DAB1: variants seen among roughly 807,000 people sequenced by gnomAD.
DAB1 encodes the protein DAB adaptor protein 1.
A neutral mutation model predicts 64.6 loss-of-function variants in DAB1; 15 were observed. That is an observed-to-expected ratio of 0.23 (90% CI 0.16 to 0.36). The LOEUF (loss-of-function observed/expected upper bound fraction) is 0.36. Ranked by LOEUF, DAB1 falls within the 10% of genes least tolerant of loss-of-function variation. The pLI, the probability that DAB1 is intolerant of heterozygous loss-of-function variation, is 1.00. For missense variants in DAB1, 596 were observed against 706.7 expected (o/e 0.84, Z 1.78); for synonymous variants, 235 against 251.9 (o/e 0.93, Z 0.64).
intron 4 of DAB1, among the ~76,000 whole-genome samples, chr1:57,075,263 GT>G (rs1651883622): frequency 6.6e-6 from 1 of 152,190 alleles, no homozygotes; most frequent in Non-Finnish European, 1.5e-5. Flanking sequence ...AGATGGAGAT[GT>G]TTTAATTTAT....
chr1:57,159,392 T>C (rs1209025264), intron 2 of DAB1, among the ~76,000 whole-genome samples: 2 of 152,140 alleles, frequency 1.3e-5, no homozygotes, highest in African/African-American at 4.8e-5. Flanking sequence ...CCAAATCAGT[T>C]AAGGGCATGC....
intron 4 of DAB1, among the ~76,000 whole-genome samples, chr1:58,282,426 T>C (rs1661583264): frequency 6.6e-6 from 1 of 152,212 alleles, no homozygotes; most frequent in African/African-American, 2.4e-5. Flanking sequence ...TCATTTCCTT[T>C]CCCTATGCCC....
At chr1:57,509,844 G>A (rs1312495530) in intron 7 of DAB1, among the ~76,000 whole-genome samples, 1 of 152,040 alleles carries the variant, frequency 6.6e-6, no homozygotes, top group Non-Finnish European at 1.5e-5. Flanking sequence ...TGTCGTTATA[G>A]TTCCCATTTA....
intron 5 of DAB1, among the ~76,000 whole-genome samples, chr1:58,086,611 T>C (rs1650330409): frequency 6.6e-6 from 1 of 151,838 alleles, no homozygotes; most frequent in South Asian, 2.1e-4. Context: ...AACCCACCTC[T>C]CCAGTCCTCC....
At chr1:58,523,613 G>C (rs548399182) in intron 2 of DAB1, among the ~76,000 whole-genome samples, 1 of 152,118 alleles carries the variant, frequency 6.6e-6, no homozygotes, top group Non-Finnish European at 1.5e-5. Context: ...AGAACTGGCA[G>C]TCCTGGCCGG....
At chr1:57,391,407 C>T (rs564951) in intron 1 of DAB1, among the ~76,000 whole-genome samples, 62,415 of 151,930 alleles carry the variant, frequency 0.41, 13,390 homozygotes, top group African/African-American at 0.47. Flanking sequence ...AAACATAAAA[C>T]AACTAAGAGA....
At chr1:57,649,743 A>G (rs1161338606) in intron 6 of DAB1, 1 of 152,210 alleles carries the variant, frequency 6.6e-6, no homozygotes, top group Non-Finnish European at 1.5e-5. Flanking sequence ...CTCTCTCAGT[A>G]AAGAAACATT....
At chr1:57,563,120 C>G (rs1038520308) in intron 7 of DAB1, among the ~76,000 whole-genome samples, 1 of 152,214 alleles carries the variant, frequency 6.6e-6, no homozygotes, top group East Asian at 1.9e-4. Context: ...AACACCTTGA[C>G]CTGCTGAGGT....
At chr1:58,137,332 C>T (rs1654002947) in intron 5 of DAB1, among the ~76,000 whole-genome samples, 1 of 152,308 alleles carries the variant, frequency 6.6e-6, no homozygotes, top group African/African-American at 2.4e-5. Flanking sequence ...GGCCTGGAAC[C>T]TGTGTCCCCT....
intron 7 of DAB1, among the ~76,000 whole-genome samples, chr1:57,579,362 G>A (rs1168954136): frequency 6.6e-6 from 1 of 152,108 alleles, no homozygotes; most frequent in South Asian, 2.1e-4. Context: ...TCACTTGCTG[G>A]CCTTCAGACC....
intron 9 of DAB1, among the ~76,000 whole-genome samples, chr1:57,032,761 A>G (rs1647003807): frequency 1.3e-5 from 2 of 152,206 alleles, no homozygotes; most frequent in Admixed American, 6.5e-5. Context: ...TTTTTGTCCT[A>G]GAGGTTTCCC....
chr1:57,536,849 T>C (rs1403767601), intron 7 of DAB1, among the ~76,000 whole-genome samples: 1 of 151,886 alleles, frequency 6.6e-6, no homozygotes, highest in Non-Finnish European at 1.5e-5. Flanking sequence ...ATGGTTCCCA[T>C]AGTTTGGAAT....
At chr1:57,470,845 C>A (rs1687110846) in intron 7 of DAB1, among the ~76,000 whole-genome samples, 1 of 152,154 alleles carries the variant, frequency 6.6e-6, no homozygotes, top group Admixed American at 6.6e-5. Context: ...ATATGAAACA[C>A]AGTCCAGATA....
At chr1:57,459,221 A>G (rs1157338740) in intron 7 of DAB1, among the ~76,000 whole-genome samples, 1 of 152,196 alleles carries the variant, frequency 6.6e-6, no homozygotes, top group Non-Finnish European at 1.5e-5. Flanking sequence ...TTTATTTCAT[A>G]AACACTATGC....
intron 5 of DAB1, among the ~76,000 whole-genome samples, chr1:58,115,347 G>A (rs1570370040): frequency 2.1e-5 from 1 of 47,038 alleles, no homozygotes; most frequent in East Asian, 7.5e-4. Context: ...AACAGGTGCT[G>A]GAGAGGATGT....
chr1:57,092,450 T>C (rs1653773008), intron 4 of DAB1, among the ~76,000 whole-genome samples: 1 of 152,010 alleles, frequency 6.6e-6, no homozygotes, highest in African/African-American at 2.4e-5. Flanking sequence ...TGAGTTCTCA[T>C]GAGATGTCAT....
chr1:57,104,999 C>T (rs533959312), intron 4 of DAB1, among the ~76,000 whole-genome samples: 1 of 152,116 alleles, frequency 6.6e-6, no homozygotes, highest in African/African-American at 2.4e-5. Context: ...AGGTTAAGTA[C>T]CCTTGCAGTA....
At chr1:57,997,281 T>G (rs1338248259) in intron 5 of DAB1, among the ~76,000 whole-genome samples, 2 of 152,190 alleles carry the variant, frequency 1.3e-5, no homozygotes, top group African/African-American at 2.4e-5. Context: ...TAAAACACTG[T>G]GCATGCAGGC....
At chr1:58,058,669 C>T (rs976834540) in intron 5 of DAB1, among the ~76,000 whole-genome samples, 7 of 152,260 alleles carry the variant, frequency 4.6e-5, no homozygotes, top group Middle Eastern at 3.4e-3. Context: ...ATGAGAGATG[C>T]GGGCTTCTTG....
Sources: allele counts gnomAD v4.1 joint callset (sites outside exome capture counted in the v4.1 genomes callset), GRCh38; gene constraint gnomAD v4.1.1; transcripts MANE v1.5; gene names NCBI Gene and HGNC (gene_info 2026-07-23, HGNC 2026-07-21).